MAGI2: variants seen among roughly 807,000 people sequenced by gnomAD.
The protein encoded by MAGI2 is membrane associated guanylate kinase, WW and PDZ domain containing 2, also known as membrane-associated guanylate kinase, WW and PDZ domain-containing protein 2.
MAGI2 carries 35 observed loss-of-function variants against 133.3 expected under a neutral mutation model. That is an observed-to-expected ratio of 0.26 (90% CI 0.20 to 0.35). The LOEUF is 0.35. Ranked by LOEUF, MAGI2 falls within the 10% of genes least tolerant of loss-of-function variation. MAGI2 has a pLI of 1.00. For synonymous variants in MAGI2, 729 were observed against 710.6 expected, an observed-to-expected ratio of 1.03 and a Z score of -0.41; for missense variants, 1,636 against 1,863.4, an observed-to-expected ratio of 0.88 and a Z score of 2.25.
chr7:78,270,095 T>C, intron 9 of MAGI2, among the ~76,000 whole-genome samples: 1 of 152,296 alleles, frequency 6.6e-6, no homozygotes, highest in African/African-American at 2.4e-5. Context: ...GTGGTATTTC[T>C]GGGGCCTCTG....
intron 1 of MAGI2, among the ~76,000 whole-genome samples, chr7:79,097,353 T>A (rs1361998156): frequency 2.0e-5 from 3 of 152,220 alleles, no homozygotes; most frequent in African/African-American, 7.2e-5. Flanking sequence ...TTTAAAGTAA[T>A]GCCTACATTT....
At chr7:79,298,049 T>C (rs1454762914) in intron 1 of MAGI2, among the ~76,000 whole-genome samples, 2 of 152,252 alleles carry the variant, frequency 1.3e-5, no homozygotes, top group Non-Finnish European at 2.9e-5. Context: ...ACTTATGATA[T>C]GTTTGTGGTC....
chr7:79,364,841 C>G (rs566357974), intron 1 of MAGI2, among the ~76,000 whole-genome samples: 12 of 151,380 alleles, frequency 7.9e-5, no homozygotes, highest in African/African-American at 2.7e-4. Flanking sequence ...AATCCTTGGG[C>G]AAAGAATTCT....
chr7:78,845,276 A>C (rs1229813765), intron 2 of MAGI2, among the ~76,000 whole-genome samples: 1 of 151,918 alleles, frequency 6.6e-6, no homozygotes, highest in East Asian at 1.9e-4. Context: ...CAAATCTATT[A>C]CTTTATCATC....
intron 7 of MAGI2, among the ~76,000 whole-genome samples, chr7:78,366,629 G>A (rs1447392173): frequency 7.2e-6 from 1 of 139,536 alleles, no homozygotes; most frequent in Non-Finnish European, 1.7e-5. Flanking sequence ...TTGGGATGAT[G>A]GAAGATATCC....
chr7:78,460,135 T>C (rs934681703), intron 6 of MAGI2, among the ~76,000 whole-genome samples: 2 of 152,232 alleles, frequency 1.3e-5, no homozygotes, highest in African/African-American at 4.8e-5. Context: ...CATGTGATCA[T>C]ACTTATTCTT....
intron 1 of MAGI2, among the ~76,000 whole-genome samples, chr7:79,276,448 T>C (rs1162651217): frequency 6.6e-6 from 1 of 152,194 alleles, no homozygotes; most frequent in African/African-American, 2.4e-5. Context: ...AAATTAATTA[T>C]AACTTTCTGA....
intron 2 of MAGI2, among the ~76,000 whole-genome samples, chr7:78,680,039 T>C (rs760933127): frequency 6.6e-6 from 1 of 152,178 alleles, no homozygotes; most frequent in Non-Finnish European, 1.5e-5. Flanking sequence ...TCTTCATCTA[T>C]CTTTACATTT....
At chr7:79,225,428 G>A (rs151161345) in intron 1 of MAGI2, among the ~76,000 whole-genome samples, 2 of 152,216 alleles carry the variant, frequency 1.3e-5, no homozygotes, top group African/African-American at 2.4e-5. Flanking sequence ...TATGAAGTCT[G>A]TTTTCATATT....
At chr7:78,475,157 T>A (rs1323601386) in intron 6 of MAGI2, among the ~76,000 whole-genome samples, 1 of 151,972 alleles carries the variant, frequency 6.6e-6, no homozygotes, top group East Asian at 1.9e-4. Flanking sequence ...GAATCTTGTG[T>A]GTATGCTTTT....
chr7:79,151,660 A>G (rs899832091), intron 1 of MAGI2, among the ~76,000 whole-genome samples: 4 of 152,186 alleles, frequency 2.6e-5, no homozygotes, highest in Admixed American at 2.6e-4. Context: ...ATTATTCTGA[A>G]GGGAAAAATA....
chr7:78,137,942 A>G (rs1246924922), intron 16 of MAGI2, among the ~76,000 whole-genome samples: 1 of 152,120 alleles, frequency 6.6e-6, no homozygotes, highest in Non-Finnish European at 1.5e-5. Flanking sequence ...ATATGTGTGT[A>G]TATATATGTA....
At chr7:79,169,426 A>C (rs1825301057) in intron 1 of MAGI2, among the ~76,000 whole-genome samples, 1 of 152,162 alleles carries the variant, frequency 6.6e-6, no homozygotes, top group Admixed American at 6.6e-5. Context: ...TTAACTATAT[A>C]GATTTTCAAG....
intron 1 of MAGI2, among the ~76,000 whole-genome samples, chr7:79,122,798 TCTC>T (rs959314668): frequency 2.0e-5 from 3 of 151,924 alleles, no homozygotes; most frequent in African/African-American, 7.3e-5. Context: ...TTCAAGTAAT[TCTC>T]CTGCCTCACC....
At chr7:78,154,780 G>T (rs1476235942) in intron 16 of MAGI2, among the ~76,000 whole-genome samples, 1 of 152,174 alleles carries the variant, frequency 6.6e-6, no homozygotes, top group Non-Finnish European at 1.5e-5. Context: ...GTTTGTTAAG[G>T]AGGTAGGAAG....
chr7:78,812,739 T>G (rs1321502963), intron 2 of MAGI2, among the ~76,000 whole-genome samples: 1 of 152,190 alleles, frequency 6.6e-6, no homozygotes, highest in African/African-American at 2.4e-5. Context: ...AAGAATCATA[T>G]GATGACAATG....
intron 1 of MAGI2, among the ~76,000 whole-genome samples, chr7:79,294,704 A>G (rs2129559108): frequency 6.8e-6 from 1 of 146,836 alleles, no homozygotes; most frequent in Admixed American, 6.8e-5. Context: ...ATGTACAATA[A>G]GATTATATTT....
intron 9 of MAGI2, among the ~76,000 whole-genome samples, chr7:78,264,715 A>C (rs1041376729): frequency 3.3e-5 from 5 of 152,168 alleles, no homozygotes; most frequent in African/African-American, 9.7e-5. Flanking sequence ...GAAGTATTTA[A>C]CTTTTCTTGG....
At chr7:78,312,965 T>A (rs148750663) in intron 9 of MAGI2, among the ~76,000 whole-genome samples, 40 of 151,242 alleles carry the variant, frequency 2.6e-4, no homozygotes, top group African/African-American at 9.0e-4. Context: ...GATATATGTA[T>A]ATACACACAC....
Sources: gnomAD v4.1 joint callset for allele counts (sites outside exome capture counted in the v4.1 genomes callset) on GRCh38, gnomAD v4.1.1 for gene constraint, MANE v1.5 for transcripts, NCBI Gene and HGNC (gene_info 2026-07-23, HGNC 2026-07-21) for gene names.